Variants in FLI1 observed in about 807,000 individuals in gnomAD.
FLI1 encodes Fli-1 proto-oncogene, ETS transcription factor, also known as Friend leukemia integration 1 transcription factor.
A neutral mutation model predicts 53.1 loss-of-function variants in FLI1; 13 were observed. The ratio of observed to expected loss-of-function variants is 0.24; its 90% CI spans 0.16 to 0.39. The LOEUF is 0.39. FLI1 is among the 10% of genes least tolerant of loss of function. FLI1 has a pLI of 1.00. For missense variants in FLI1, 424 were observed against 600.5 expected (o/e 0.71, Z 3.07); for synonymous variants, 244 against 236.7 (o/e 1.03, Z -0.28).
chr11:128,692,944 T>C (rs1321308215), upstream of FLI1: 1 of 152,242 alleles, frequency 6.6e-6, no homozygotes, highest in East Asian at 1.9e-4. Context: ...GCCTCCAGGC[T>C]GGGTAGGGAG....
At chr11:128,741,379 T>G (rs1940132822) in intron 1 of FLI1, among the ~76,000 whole-genome samples, 2 of 151,988 alleles carry the variant, frequency 1.3e-5, no homozygotes, top group Non-Finnish European at 2.9e-5. Flanking sequence ...GGCAGCAGAG[T>G]GAGACTCCGT....
intron 2 of FLI1, among the ~76,000 whole-genome samples, chr11:128,766,193 C>G (rs138264039): frequency 2.0e-5 from 3 of 152,168 alleles, no homozygotes; most frequent in Non-Finnish European, 4.4e-5. Flanking sequence ...ATGCAGGCAC[C>G]AGGGTCTGAC....
At chr11:128,733,230 C>A (rs1939773709) in intron 1 of FLI1, among the ~76,000 whole-genome samples, 1 of 151,936 alleles carries the variant, frequency 6.6e-6, no homozygotes, top group South Asian at 2.1e-4. Context: ...TACATCTGCA[C>A]AAAATTCCCT....
chr11:128,738,516 C>T (rs571987107), intron 1 of FLI1, among the ~76,000 whole-genome samples: 1 of 152,332 alleles, frequency 6.6e-6, no homozygotes, highest in East Asian at 1.9e-4. Flanking sequence ...CTTCTAGCTG[C>T]TGAGCCTCTG....
intron 1 of FLI1, among the ~76,000 whole-genome samples, chr11:128,727,120 A>C (rs618441): frequency 1.3e-5 from 2 of 152,092 alleles, no homozygotes; most frequent in Admixed American, 6.5e-5. Flanking sequence ...CCGTAGTTGA[A>C]AGAATGTAGA....
chr11:128,780,351 G>A (rs973446398), intron 4 of FLI1, among the ~76,000 whole-genome samples: 2 of 152,172 alleles, frequency 1.3e-5, no homozygotes, highest in Admixed American at 1.3e-4. Flanking sequence ...CGGGTGCGGT[G>A]GTAATCCCAG....
intron 1 of FLI1, among the ~76,000 whole-genome samples, chr11:128,746,310 G>A (rs1336822636): frequency 1.3e-5 from 2 of 152,144 alleles, no homozygotes; most frequent in East Asian, 3.9e-4. Flanking sequence ...TCGAGAAAAA[G>A]AATAGGAAAG....
chr11:128,758,027 T>C, intron 1 of FLI1, 88 bp from the exon 2 acceptor site: 1 of 1,213,356 alleles, frequency 8.2e-7, no homozygotes, highest in Non-Finnish European at 1.2e-6. Context: ...GGGGCAGCCC[T>C]GGGCCACCTT....
chr11:128,758,185 C>T lies in FLI1; in HGVS notation c.89C>T (p.Pro30Leu). Reference protein sequence around the residue: ...DSAYGAAAHLPKADMTASGSP... With the variant: ...DSAYGAAAHLLKADMTASGSP... ...GCGTACGGAGCGGCAGCCCATCTCC[C>T]CAAGGCCGACATGACTGCCTCGGGG... Residue 30 changes from proline to leucine, a missense_variant, in exon 2 of 9, where the codon CCC becomes CTC. This residue lies in a region of FLI1 where 137 missense variants were observed against 169.1 expected (regional missense o/e 0.81). Coordinates refer to ENST00000527786, the MANE Select transcript of FLI1 (RefSeq NM_002017.5). 1 of 1,613,418 alleles carries T rather than the reference C, an allele frequency of 6.2e-7. No individual in the cohort carries two copies. The highest frequency in any genetic ancestry group is 8.5e-7 in the Non-Finnish European group (1 of 1,179,704).
chr11:128,703,648 T>C (rs1938429021), intron 1 of FLI1, among the ~76,000 whole-genome samples: 1 of 151,952 alleles, frequency 6.6e-6, no homozygotes. Context: ...ATTGAGACCA[T>C]CCTGGCCAAC....
At chr11:128,732,501 T>C (rs145100612) in intron 1 of FLI1, among the ~76,000 whole-genome samples, 111 of 152,330 alleles carry the variant, frequency 7.3e-4, no homozygotes, top group African/African-American at 2.2e-3. Context: ...CCTGCCTCCA[T>C]TGAGTGTAGT....
intron 1 of FLI1, among the ~76,000 whole-genome samples, chr11:128,756,326 A>G (rs1940858140): frequency 6.6e-6 from 1 of 152,136 alleles, no homozygotes; most frequent in South Asian, 2.1e-4. Flanking sequence ...CTCACATGGC[A>G]GCCCCTCTGT....
upstream of FLI1, among the ~76,000 whole-genome samples, chr11:128,689,081 C>G (rs1325815700): frequency 1.3e-5 from 2 of 152,096 alleles, no homozygotes; most frequent in Non-Finnish European, 2.9e-5. Context: ...CTATTATAAC[C>G]CCATTGTACA....
intron 1 of FLI1, among the ~76,000 whole-genome samples, chr11:128,706,564 T>C (rs1308270911): frequency 6.6e-6 from 1 of 152,106 alleles, no homozygotes; most frequent in Non-Finnish European, 1.5e-5. Flanking sequence ...ATGTAGTGTG[T>C]CAAAAGATGG....
intron 5 of FLI1, among the ~76,000 whole-genome samples, chr11:128,790,233 G>T (rs1265012912): frequency 6.7e-6 from 1 of 149,388 alleles, no homozygotes; most frequent in African/African-American, 2.5e-5. Context: ...CTTTCTATCT[G>T]ACCCTCTTCG....
intron 5 of FLI1, among the ~76,000 whole-genome samples, chr11:128,783,253 G>A (rs550920665): frequency 6.6e-6 from 1 of 152,046 alleles, no homozygotes; most frequent in Non-Finnish European, 1.5e-5. Flanking sequence ...ATCCGCATGG[G>A]GTGTGAAGGA....
intron 1 of FLI1, among the ~76,000 whole-genome samples, chr11:128,701,117 T>C (rs1938314114): frequency 6.6e-6 from 1 of 152,172 alleles, no homozygotes; most frequent in Non-Finnish European, 1.5e-5. Context: ...TCTTCTGTCT[T>C]CAAAGACACC....
intron 1 of FLI1, among the ~76,000 whole-genome samples, chr11:128,726,366 G>T (rs1939478252): frequency 6.6e-6 from 1 of 152,218 alleles, no homozygotes; most frequent in Non-Finnish European, 1.5e-5. Flanking sequence ...AGGGGGCTGG[G>T]GGTGCAACCG....
At chr11:128,775,808 G>C (rs1941711466) in intron 4 of FLI1, among the ~76,000 whole-genome samples, 1 of 152,288 alleles carries the variant, frequency 6.6e-6, no homozygotes, top group South Asian at 2.1e-4. Context: ...AGGAAGGTGG[G>C]GCTCAGATAT....
Sources: allele counts gnomAD v4.1 joint callset (sites outside exome capture counted in the v4.1 genomes callset), GRCh38; gene constraint gnomAD v4.1.1; regional missense constraint gnomAD v4.1.1; transcripts MANE v1.5; gene names NCBI Gene and HGNC (gene_info 2026-07-23, HGNC 2026-07-21).